Variants in IGF1 observed in about 807,000 individuals in gnomAD.
The protein encoded by IGF1 is insulin like growth factor 1, also known as insulin-like growth factor 1.
IGF1 carries 4 observed loss-of-function variants against 13.8 expected under a neutral mutation model. The observed-to-expected ratio is 0.29, with a 90% CI of 0.14 to 0.66. The LOEUF (loss-of-function observed/expected upper bound fraction) is 0.66, where lower values mean the gene tolerates loss of function less well. Among genes scored for constraint, IGF1 ranks in the 30% least tolerant of loss-of-function variants. IGF1 has a pLI of 0.78. For synonymous variants in IGF1, 76 were observed against 72.6 expected (o/e 1.05, Z -0.23); for missense variants, 124 against 188.5 (o/e 0.66, Z 2.00).
At chr12:102,461,061 T>C (rs1879858520) in intron 2 of IGF1, among the ~76,000 whole-genome samples, 1 of 152,180 alleles carries the variant, frequency 6.6e-6, no homozygotes, top group Admixed American at 6.5e-5. Context: ...AATAATCAAA[T>C]CTACCAAGTT....
chr12:102,441,950 TTCTTC>T (rs748839502), intron 2 of IGF1, among the ~76,000 whole-genome samples: 2 of 143,418 alleles, frequency 1.4e-5, no homozygotes, highest in African/African-American at 5.2e-5. Context: ...CTTCTTCTTC[TTCTTC>T]TTTTTTTTTT....
At chr12:102,421,138 T>C (rs534216278) in intron 2 of IGF1, among the ~76,000 whole-genome samples, 1 of 152,280 alleles carries the variant, frequency 6.6e-6, no homozygotes, top group East Asian at 1.9e-4. Flanking sequence ...AGGACCCTGG[T>C]GGCTGCTTCC....
intron 2 of IGF1, among the ~76,000 whole-genome samples, chr12:102,462,063 T>C (rs570795299): frequency 4.6e-5 from 7 of 152,212 alleles, no homozygotes; most frequent in Non-Finnish European, 1.0e-4. Flanking sequence ...GGCCCCTGAC[T>C]CTGCATTTCT....
intron 2 of IGF1, among the ~76,000 whole-genome samples, chr12:102,427,269 G>A (rs1372596464): frequency 2.0e-5 from 3 of 152,044 alleles, no homozygotes; most frequent in Non-Finnish European, 4.4e-5. Flanking sequence ...CTTGGAGATT[G>A]TAGCTATGCC....
At position 102,401,773 on chromosome 12, in the gene IGF1, C is replaced by G. The variant is rs1873701997; in HGVS notation, c.*734G>C. On this transcript the variant is annotated 3_prime_UTR_variant, in exon 4 of 4. Coordinates refer to ENST00000337514, the MANE Select transcript of IGF1 (RefSeq NM_000618.5). ...AACTCTTTTGAGTTGAAGAAACTTT[C>G]TATGTTTAAAACATATGCCTAAAAA... 1 of 152,618 alleles carries G rather than the reference C, an allele frequency of 6.6e-6. No individual in the cohort carries two copies. The highest frequency in any genetic ancestry group is 1.5e-5 in the Non-Finnish European group (1 of 68,026). The allele number at this position is 152,618 out of a possible 1,614,324, so 9.5% of individuals were successfully genotyped here. A position where few individuals can be genotyped will look rare whatever the true frequency, so the allele number is the denominator to read the frequency against.
chr12:102,455,353 G>A (rs1415911137), intron 2 of IGF1, among the ~76,000 whole-genome samples: 2 of 152,138 alleles, frequency 1.3e-5, no homozygotes, highest in Non-Finnish European at 2.9e-5. Flanking sequence ...GGAAGAGAGA[G>A]GTCACACACA....
intron 2 of IGF1, among the ~76,000 whole-genome samples, chr12:102,452,531 C>T (rs1455280175): frequency 6.6e-6 from 1 of 152,068 alleles, no homozygotes; most frequent in Admixed American, 6.5e-5. Flanking sequence ...CTGAACTTTG[C>T]AGATCTGTAA....
chr12:102,467,315 T>C (rs1880401062), intron 2 of IGF1, among the ~76,000 whole-genome samples: 1 of 152,002 alleles, frequency 6.6e-6, no homozygotes, highest in African/African-American at 2.4e-5. Flanking sequence ...AGTATTTGCT[T>C]GGGAGTCTGC....
intron 2 of IGF1, among the ~76,000 whole-genome samples, chr12:102,444,178 A>G (rs560545576): frequency 1.3e-4 from 19 of 151,992 alleles, no homozygotes; most frequent in African/African-American, 4.3e-4. Context: ...GGGTGTGAGG[A>G]GTCAAGAGGG....
At chr12:102,475,882 C>T in intron 1 of IGF1, 83 bp from the exon 2 acceptor site, 1 of 1,340,420 alleles carries the variant, frequency 7.5e-7, no homozygotes. Context: ...GCATTGACTC[C>T]CACGATTCCA....
intron 2 of IGF1, among the ~76,000 whole-genome samples, chr12:102,459,756 G>A (rs753722774): frequency 5.3e-5 from 8 of 152,158 alleles, no homozygotes; most frequent in Non-Finnish European, 8.8e-5. Context: ...TCACCAGAAT[G>A]ACTTGATTGT....
At position 102,419,571 on chromosome 12, in the gene IGF1, G is replaced by T. The variant is rs369651049; in HGVS notation, c.340C>A (p.Pro114Thr). ...CGGACAGAGCGAGCTGACTTGGCAG[G>T]CTTGAGGGGTGCGCAATACATCTCC... The part of the protein sequence containing the change: ...RLEMYCAPLK[P>T]AKSARSVRAQ... Residue 114 changes from proline (P) to threonine (T), a missense_variant, in exon 3 of 4, where the codon CCT becomes ACT. Physicochemically the swap from Pro to Thr is conservative, Grantham distance 38 (BLOSUM62 -1). This residue lies in a region of IGF1 where 99 missense variants were observed against 171.4 expected (regional missense o/e 0.58). Coordinates refer to ENST00000337514, the MANE Select transcript of IGF1 (RefSeq NM_000618.5). 1.2e-6 allele frequency: 2 copies of T among 1,613,930 alleles called. No homozygotes were observed. Among genetic ancestry groups the T allele is most frequent in the Non-Finnish European group, 1.7e-6 (2 of 1,180,020 alleles).
rs1873506699 is a variant in IGF1, at chr12:102,399,536, A to G, written c.*2971T>C. The G allele has an allele frequency of 6.6e-6, 1 of 152,162 alleles. No individual in the cohort carries two copies. Among genetic ancestry groups the G allele is most frequent in the Non-Finnish European group, 1.5e-5 (1 of 68,026 alleles). The allele number at this position is 152,162 out of a possible 1,614,324, so 9.4% of individuals were successfully genotyped here. A position where few individuals can be genotyped will look rare whatever the true frequency, so the allele number is the denominator to read the frequency against. ...AGTATATAGTAATCAACTGACTTCCAGGGTTTGCATCAATTTGTTTTCTAG... is the reference window on the plus strand; with the variant it reads ...AGTATATAGTAATCAACTGACTTCCGGGGTTTGCATCAATTTGTTTTCTAG... On this transcript the variant is annotated 3_prime_UTR_variant, in exon 4 of 4. Coordinates refer to ENST00000337514, the MANE Select transcript of IGF1 (RefSeq NM_000618.5).
intron 2 of IGF1, among the ~76,000 whole-genome samples, chr12:102,468,781 T>C (rs773033107): frequency 3.9e-5 from 6 of 152,232 alleles, no homozygotes; most frequent in African/African-American, 7.2e-5. Flanking sequence ...CCATGGGTTG[T>C]CAAAGATGTC....
chr12:102,457,316 T>C (rs748996395), intron 2 of IGF1, among the ~76,000 whole-genome samples: 1 of 152,228 alleles, frequency 6.6e-6, no homozygotes, highest in African/African-American at 2.4e-5. Flanking sequence ...GTGCCCATGT[T>C]ATCTGCATCA....
Position 102,403,056 on chromosome 12 carries a change from C to T in IGF1, c.403-490G>A, listed in dbSNP as rs1193567999. Among the ~76,000 whole-genome samples, 8 of 152,056 alleles carry T rather than the reference C, an allele frequency of 5.3e-5. No homozygotes were observed. In the East Asian group the frequency reaches 7.7e-4, roughly 15 times the overall value. ...TAGAGCAAGGCAGAGTTTCAGAAAT[C>T]GAAGATTAGGAAATCTTATAATTAA... On this transcript the variant is annotated intron_variant, in intron 3 of 3. Transcript: ENST00000337514.
intron 2 of IGF1, among the ~76,000 whole-genome samples, chr12:102,472,170 A>C (rs1880727707): frequency 6.6e-6 from 1 of 152,162 alleles, no homozygotes; most frequent in Non-Finnish European, 1.5e-5. Context: ...CATAGGAAAG[A>C]ATGAGTAATT....
At position 102,399,513 on chromosome 12, in the gene IGF1, T is replaced by G. The variant is rs1873504241; in HGVS notation, c.*2994A>C. On this transcript the variant is annotated 3_prime_UTR_variant, in exon 4 of 4. Transcript: ENST00000337514. ...TGAAATCTGAGTCATTCTGCTGTAG[T>G]ATATAGTAATCAACTGACTTCCAGG... 1 of 152,180 alleles carries G rather than the reference T, an allele frequency of 6.6e-6. No individual in the cohort carries two copies. The highest frequency in any genetic ancestry group is 2.1e-4 in the South Asian group (1 of 4,828). The allele number at this position is 152,180 out of a possible 1,614,324, so 9.4% of individuals were successfully genotyped here.
intron 3 of IGF1, among the ~76,000 whole-genome samples, chr12:102,413,304 C>T (rs1442074057): frequency 6.6e-6 from 1 of 152,192 alleles, no homozygotes; most frequent in Admixed American, 6.5e-5. Flanking sequence ...CAAAAAAGCA[C>T]TATTCTTTTC....
Sources: allele counts gnomAD v4.1 joint callset (sites outside exome capture counted in the v4.1 genomes callset), GRCh38; gene constraint gnomAD v4.1.1; regional missense constraint gnomAD v4.1.1; transcripts MANE v1.5; gene names NCBI Gene and HGNC (gene_info 2026-07-23, HGNC 2026-07-21).